PAM: variants seen among roughly 807,000 people sequenced by gnomAD.
PAM encodes the protein peptidylglycine alpha-amidating monooxygenase, also known as peptidyl-glycine alpha-amidating monooxygenase.
Under a neutral mutation model 122.1 loss-of-function variants are expected in PAM, and 72 were observed. The ratio of observed to expected loss-of-function variants is 0.59; its 90% confidence interval spans 0.49 to 0.72. The LOEUF (loss-of-function observed/expected upper bound fraction) is 0.72, where lower values mean the gene tolerates loss of function less well. Ranked by LOEUF, PAM falls within the 30% of genes least tolerant of loss-of-function variation. The pLI is 0.00. For missense variants in PAM, 1,106 were observed against 1,183.7 expected (o/e 0.93, Z 0.96); for synonymous variants, 389 against 404.4 (o/e 0.96, Z 0.46).
chr5:102,781,761 A>G (rs1369764662), intron 1 of PAM, among the ~76,000 whole-genome samples: 1 of 152,248 alleles, frequency 6.6e-6, no homozygotes, highest in Non-Finnish European at 1.5e-5. Context: ...ACTTGCATTC[A>G]TAGATTAAGC....
At chr5:102,871,180 G>A (rs1185167354) in intron 3 of PAM, among the ~76,000 whole-genome samples, 25 of 152,130 alleles carry the variant, frequency 1.6e-4, no homozygotes, top group Admixed American at 1.6e-3. Context: ...GGCTAGTCCT[G>A]TTCCTTCTTC....
chr5:102,890,198 A>G (rs1172169668), intron 3 of PAM, among the ~76,000 whole-genome samples: 7 of 151,892 alleles, frequency 4.6e-5, no homozygotes, highest in East Asian at 3.9e-4. Context: ...TCAGATTTAG[A>G]TTAGAGTTTT....
intron 1 of PAM, among the ~76,000 whole-genome samples, chr5:102,847,825 T>C (rs1561618230): frequency 1.3e-5 from 2 of 152,206 alleles, no homozygotes; most frequent in African/African-American, 4.8e-5. Context: ...AAAAGTTTTA[T>C]CTTTAAATAC....
chr5:102,961,083 A>T (rs775501366), intron 13 of PAM, 75 bp from the exon 14 acceptor site: 2 of 756,214 alleles, frequency 2.6e-6, no homozygotes, highest in African/African-American at 3.5e-5. Context: ...ATGTTGATGG[A>T]CTATTTCCAA....
chr5:102,786,081 G>C (rs1760446587), intron 1 of PAM, among the ~76,000 whole-genome samples: 1 of 152,146 alleles, frequency 6.6e-6, no homozygotes. Flanking sequence ...TAAATTTACT[G>C]TTCCATTCTT....
At chr5:102,943,446 T>C (rs1755949832) in intron 7 of PAM, among the ~76,000 whole-genome samples, 1 of 152,190 alleles carries the variant, frequency 6.6e-6, no homozygotes, top group Non-Finnish European at 1.5e-5. Context: ...GTGGATGTCC[T>C]TAATTAAGTA....
intron 3 of PAM, among the ~76,000 whole-genome samples, chr5:102,900,633 C>A (rs1226308680): frequency 2.6e-5 from 4 of 151,470 alleles, no homozygotes; most frequent in Non-Finnish European, 5.9e-5. Flanking sequence ...AAGAGTGCAG[C>A]CTGTATTTGT....
chr5:102,952,362 C>T (rs1046858747), intron 12 of PAM, among the ~76,000 whole-genome samples: 5 of 152,024 alleles, frequency 3.3e-5, no homozygotes, highest in Admixed American at 6.6e-5. Flanking sequence ...TTCCATGAGT[C>T]TAGAATAATT....
intron 5 of PAM, among the ~76,000 whole-genome samples, chr5:102,915,441 A>T (rs1802814946): frequency 6.6e-6 from 1 of 152,128 alleles, no homozygotes; most frequent in African/African-American, 2.4e-5. Flanking sequence ...ATAGGAACCC[A>T]ACCTATGTGA....
At chr5:102,855,017 G>A (rs948976469) in intron 1 of PAM, among the ~76,000 whole-genome samples, 1 of 152,080 alleles carries the variant, frequency 6.6e-6, no homozygotes, top group Non-Finnish European at 1.5e-5. Flanking sequence ...GTTGTCTTAC[G>A]ATTAAGCTAA....
At chr5:102,868,660 T>C (rs956411763) in intron 3 of PAM, among the ~76,000 whole-genome samples, 1 of 152,154 alleles carries the variant, frequency 6.6e-6, no homozygotes, top group Non-Finnish European at 1.5e-5. Flanking sequence ...TTCCCCCCTG[T>C]ATTTGCTTGA....
chr5:102,891,359 A>G (rs1794739492), intron 3 of PAM, among the ~76,000 whole-genome samples: 1 of 151,902 alleles, frequency 6.6e-6, no homozygotes, highest in African/African-American at 2.4e-5. Context: ...AGGCCAAAGA[A>G]TGTTTTTATA....
At chr5:102,957,973 A>T (rs1236489354) in intron 12 of PAM, among the ~76,000 whole-genome samples, 1 of 152,220 alleles carries the variant, frequency 6.6e-6, no homozygotes, top group Non-Finnish European at 1.5e-5. Flanking sequence ...AAAACATATA[A>T]TAGCTCACAG....
At chr5:103,008,900 TAAGCA>T (rs1779824074) in intron 20 of PAM, among the ~76,000 whole-genome samples, 3 of 152,144 alleles carry the variant, frequency 2.0e-5, no homozygotes, top group Admixed American at 2.0e-4. Context: ...GAACAGAATC[TAAGCA>T]AAAGATAATT....
At chr5:102,946,663 G>A (rs1757144947) in intron 7 of PAM, among the ~76,000 whole-genome samples, 174 bp from the exon 8 acceptor site, 1 of 150,608 alleles carries the variant, frequency 6.6e-6, no homozygotes, top group South Asian at 2.1e-4. Context: ...TGATACATTG[G>A]CAATTAAAGG....
At chr5:102,771,731 C>G (rs372681956) in intron 1 of PAM, among the ~76,000 whole-genome samples, 1 of 152,220 alleles carries the variant, frequency 6.6e-6, no homozygotes, top group East Asian at 1.9e-4. Context: ...TAAAGTTGCT[C>G]TGTATGCCCC....
rs191907390 is a variant in PAM, at chr5:102,974,235, A to C, written c.1282A>C (p.Asn428His). ...SESDLVAEIANVVQKKDLGRS... is the reference protein window; with the variant it reads ...SESDLVAEIAHVVQKKDLGRS... Reference sequence around the variant, plus strand: ...GTCAGACCTGGTAGCTGAGATTGCAAATGTAGTCCAAAAAAAGGATCTTGG... The same window carrying C: ...GTCAGACCTGGTAGCTGAGATTGCACATGTAGTCCAAAAAAAGGATCTTGG... The change falls in exon 15 of 26, where the codon AAT (asparagine) becomes CAT (histidine). Residue 428 changes from asparagine to histidine, a missense_variant. Coordinates refer to ENST00000438793, the MANE Select transcript of PAM (RefSeq NM_001177306.2). The C allele has an allele frequency of 3.1e-6, 5 of 1,613,912 alleles. No individual in the cohort carries two copies. The highest frequency in any genetic ancestry group is 4.2e-6 in the Non-Finnish European group (5 of 1,179,926).
At chr5:102,849,934 C>T (rs1017800745) in intron 1 of PAM, among the ~76,000 whole-genome samples, 1 of 152,052 alleles carries the variant, frequency 6.6e-6, no homozygotes, top group Non-Finnish European at 1.5e-5. Flanking sequence ...GTTTTTAGTA[C>T]TATTTGACTT....
In PAM at chr5:102,946,878, C is replaced by T. The variant is rs763855719; in HGVS notation, c.568C>T (p.Arg190Cys). 17 of 1,598,888 alleles carry T rather than the reference C, an allele frequency of 1.1e-5. No homozygotes were observed. In the South Asian group the frequency reaches 1.1e-4, roughly 10 times the overall value. Residue 190 changes from arginine (R) to cysteine (C), a missense_variant, in exon 8 of 26, where the codon CGT becomes TGT. Around this residue, in one of 3 missense-constraint regions of PAM, gnomAD observed 670 missense variants for 690.3 expected, o/e 0.97. Coordinates refer to ENST00000438793, the MANE Select transcript of PAM (RefSeq NM_001177306.2). ...TTCTGGTGTGTCCTTACACCTCACACGTCTGCCGTAAGTACTTCCATTTTT... is the reference window on the plus strand; with the variant it reads ...TTCTGGTGTGTCCTTACACCTCACATGTCTGCCGTAAGTACTTCCATTTTT... ...DCSGVSLHLTRLPQPLIAGMY... is the reference protein window; with the variant it reads ...DCSGVSLHLTCLPQPLIAGMY...
Sources: gnomAD v4.1 joint callset for allele counts (sites outside exome capture counted in the v4.1 genomes callset) on GRCh38, gnomAD v4.1.1 for gene constraint, gnomAD v4.1.1 regional missense constraint, MANE v1.5 for transcripts, NCBI Gene and HGNC (gene_info 2026-07-23, HGNC 2026-07-21) for gene names.